TJP1: variants seen among roughly 807,000 people sequenced by gnomAD.
TJP1 encodes tight junction protein 1.
A neutral mutation model predicts 194.2 loss-of-function variants in TJP1; 43 were observed. The ratio of observed to expected loss-of-function variants is 0.22; its 90% CI spans 0.17 to 0.29. TJP1 has a LOEUF of 0.29. Among genes scored for constraint, TJP1 ranks in the 10% least tolerant of loss-of-function variants. TJP1 has a pLI of 1.00. For missense variants in TJP1, 1,971 were observed against 2,185.7 expected, an observed-to-expected ratio of 0.90 and a Z score of 1.96; for synonymous variants, 801 against 779.0, an observed-to-expected ratio of 1.03 and a Z score of -0.47.
chr15:29,872,414 G>A (rs994910273), intron 2 of TJP1, among the ~76,000 whole-genome samples: 2 of 152,096 alleles, frequency 1.3e-5, no homozygotes, highest in Non-Finnish European at 2.9e-5. Flanking sequence ...ACAATTCAAG[G>A]ATAGTATAAC....
At chr15:29,742,521 T>G in intron 9 of TJP1, 121 bp downstream of exon 9, 1 of 1,201,032 alleles carries the variant, frequency 8.3e-7, no homozygotes, top group Non-Finnish European at 1.1e-6. Context: ...GGAAGTCATA[T>G]GCAGACAAAT....
At chr15:29,831,690 T>C (rs1373210079) in intron 2 of TJP1, among the ~76,000 whole-genome samples, 1 of 152,334 alleles carries the variant, frequency 6.6e-6, no homozygotes, top group East Asian at 1.9e-4. Context: ...AATTTGATTA[T>C]GGACTGAGTG....
chr15:29,733,400 A>G (rs2043802636), intron 12 of TJP1, 87 bp from the exon 13 acceptor site: 4 of 881,732 alleles, frequency 4.5e-6, no homozygotes, highest in Admixed American at 2.5e-5. Flanking sequence ...TGCTATGATA[A>G]TATCAATAAT....
rs1002950308 is a variant in TJP1, at chr15:29,947,113, A to C, written c.306+9119T>G. 3.5e-4 allele frequency among the ~76,000 whole-genome samples: 54 copies of C among 152,326 alleles called. 1 individual carries two copies. Among genetic ancestry groups the C allele is most frequent in the African/African-American group, 1.2e-3 (49 of 41,574 alleles). On this transcript the variant is annotated intron_variant, in intron 2 of 28. Coordinates refer to the TJP1 transcript ENST00000356107. ...TTTTATGCAAATTTTAGTTGTATAA[A>C]TCTAAATCATGCAACATAAAATATT... is the stretch of plus-strand genomic sequence containing the variant.
At chr15:29,891,565 C>A (rs1304511366) in intron 2 of TJP1, among the ~76,000 whole-genome samples, 2 of 152,178 alleles carry the variant, frequency 1.3e-5, no homozygotes, top group African/African-American at 4.8e-5. Flanking sequence ...CTACTGGCAC[C>A]ATTCTTCCAA....
intron 2 of TJP1, among the ~76,000 whole-genome samples, chr15:29,885,495 C>T (rs1172242396): frequency 2.0e-5 from 3 of 152,214 alleles, no homozygotes; most frequent in Admixed American, 1.3e-4. Flanking sequence ...AGTAAGAGCT[C>T]CCCAACCATG....
At chr15:29,709,750 T>C (rs990118556) in intron 24 of TJP1, among the ~76,000 whole-genome samples, 2 of 152,156 alleles carry the variant, frequency 1.3e-5, no homozygotes, top group African/African-American at 2.4e-5. Context: ...GGATAAAACA[T>C]GAGGTCCTTC....
intron 2 of TJP1, among the ~76,000 whole-genome samples, chr15:29,865,200 A>G (rs1472548357): frequency 6.6e-6 from 1 of 152,230 alleles, no homozygotes; most frequent in Non-Finnish European, 1.5e-5. Context: ...ATCAACACCA[A>G]TCCTTCTGAT....
chr15:29,726,752 T>C, intron 17 of TJP1, 29 bp downstream of exon 17: 1 of 1,601,192 alleles, frequency 6.2e-7, no homozygotes, highest in Non-Finnish European at 8.6e-7. Context: ...CATTGTAAGC[T>C]GAAAGAAGGC....
intron 1 of TJP1, among the ~76,000 whole-genome samples, chr15:29,819,320 C>G (rs141470899): frequency 3.6e-4 from 55 of 152,238 alleles, no homozygotes; most frequent in Admixed American, 7.2e-4. Flanking sequence ...ACCACATATT[C>G]GTAGTTTTCC....
At chr15:29,838,993 T>TA (rs34685267) in intron 2 of TJP1, among the ~76,000 whole-genome samples, 1 of 8,918 alleles carries the variant, frequency 1.1e-4, no homozygotes, top group Non-Finnish European at 3.7e-4. Context: ...AAAATTCACC[T>TA]TTTTTTTTTT....
chr15:29,930,808 A>G (rs1441756376), intron 2 of TJP1, among the ~76,000 whole-genome samples: 2 of 152,248 alleles, frequency 1.3e-5, no homozygotes, highest in Non-Finnish European at 2.9e-5. Flanking sequence ...AGAATAGGAA[A>G]GTCTACACAG....
chr15:29,723,174 C>A (rs1459802030), intron 18 of TJP1, among the ~76,000 whole-genome samples: 2 of 152,078 alleles, frequency 1.3e-5, no homozygotes, highest in Admixed American at 1.3e-4. Context: ...GTGAGAAGGA[C>A]ATGAAATTTG....
intron 2 of TJP1, among the ~76,000 whole-genome samples, chr15:29,845,037 G>A (rs182384883): frequency 1.2e-4 from 19 of 152,260 alleles, no homozygotes; most frequent in African/African-American, 3.1e-4. Flanking sequence ...CTGATTGACC[G>A]TGACCTGTGT....
chr15:29,944,613 C>T (rs886981712), intron 2 of TJP1, among the ~76,000 whole-genome samples: 1 of 152,144 alleles, frequency 6.6e-6, no homozygotes, highest in South Asian at 2.1e-4. Context: ...CTAAAGTACA[C>T]GAAACAGCTA....
intron 2 of TJP1, among the ~76,000 whole-genome samples, chr15:29,786,673 T>C (rs2047719790): frequency 6.6e-6 from 1 of 152,088 alleles, no homozygotes; most frequent in South Asian, 2.1e-4. Context: ...GCTAAATTTT[T>C]TGGGGGTGTG....
intron 1 of TJP1, among the ~76,000 whole-genome samples, chr15:29,809,918 G>C (rs996350535): frequency 3.3e-5 from 5 of 151,804 alleles, no homozygotes; most frequent in African/African-American, 1.2e-4. Context: ...TGATAATGTA[G>C]TTATAGTACT....
At chr15:29,872,647 G>A (rs999824691) in intron 2 of TJP1, among the ~76,000 whole-genome samples, 9 of 107,718 alleles carry the variant, frequency 8.4e-5, no homozygotes, top group African/African-American at 4.1e-4. Context: ...CGAAACGATG[G>A]AAAAAAGCAA....
chr15:29,863,086 G>C (rs566649282), intron 2 of TJP1, among the ~76,000 whole-genome samples: 91 of 151,824 alleles, frequency 6.0e-4, no homozygotes, highest in South Asian at 1.7e-3. Flanking sequence ...CCTGAGGTCA[G>C]GAGTTCGAGA....
Sources: gnomAD v4.1 joint callset for allele counts (sites outside exome capture counted in the v4.1 genomes callset) on GRCh38, gnomAD v4.1.1 for gene constraint, MANE v1.5 for transcripts, NCBI Gene and HGNC (gene_info 2026-07-23, HGNC 2026-07-21) for gene names.